The following SLC30A8 variants were observed in gnomAD, a reference collection of about 807,000 sequenced individuals.
The protein encoded by SLC30A8 is proton-coupled zinc antiporter SLC30A8.
In SLC30A8, 27 loss-of-function variants were observed where a neutral mutation model predicts 36.9. The ratio of observed to expected loss-of-function variants is 0.73; its 90% CI spans 0.54 to 1.01. The LOEUF is 1.01. Among genes scored for constraint, SLC30A8 ranks in the 50% least tolerant of loss-of-function variants. SLC30A8 has a pLI of 0.00. For synonymous variants in SLC30A8, 164 were observed against 172.4 expected (o/e 0.95, Z 0.38); for missense variants, 439 against 452.0 (o/e 0.97, Z 0.26).
chr8:117,016,371 G>A (rs1292046026), intron 1 of SLC30A8, among the ~76,000 whole-genome samples: 1 of 152,202 alleles, frequency 6.6e-6, no homozygotes, highest in African/African-American at 2.4e-5. Flanking sequence ...CAGATATAAT[G>A]TCAGACTATA....
chr8:117,144,833 A>G (rs1586582843), intron 1 of SLC30A8, among the ~76,000 whole-genome samples: 1 of 152,166 alleles, frequency 6.6e-6, no homozygotes, highest in East Asian at 1.9e-4. Flanking sequence ...TCTCAGCTCT[A>G]TGAGTCAGCA....
intron 4 of SLC30A8, among the ~76,000 whole-genome samples, chr8:117,160,502 C>T (rs1822736287): frequency 6.6e-6 from 1 of 151,672 alleles, no homozygotes; most frequent in African/African-American, 2.4e-5. Context: ...ACATTTAAAG[C>T]TACACTGGGG....
At chr8:116,982,734 C>T (rs927713004) in intron 1 of SLC30A8, among the ~76,000 whole-genome samples, 1 of 152,016 alleles carries the variant, frequency 6.6e-6, no homozygotes, top group Non-Finnish European at 1.5e-5. Context: ...ATCTCTCACA[C>T]GTGAAACATT....
intron 2 of SLC30A8, among the ~76,000 whole-genome samples, chr8:117,097,137 C>T (rs1025763631): frequency 2.0e-5 from 3 of 151,446 alleles, no homozygotes; most frequent in Non-Finnish European, 2.9e-5. Flanking sequence ...TAGTGGCTCA[C>T]GCCTGTAGAT....
At chr8:117,068,123 T>A (rs1226899211) in intron 2 of SLC30A8, among the ~76,000 whole-genome samples, 3 of 152,186 alleles carry the variant, frequency 2.0e-5, no homozygotes, top group African/African-American at 7.2e-5. Context: ...AGTTTCATGA[T>A]CATTAGAGTG....
intron 1 of SLC30A8, among the ~76,000 whole-genome samples, chr8:117,008,186 CTTAGTATAAA>C (rs1474413779): frequency 1.3e-5 from 2 of 152,122 alleles, no homozygotes; most frequent in African/African-American, 4.8e-5. Context: ...GAATAAATAA[CTTAGTATAAA>C]TTTTTTTGAG....
chr8:117,095,295 C>T (rs552476980), intron 2 of SLC30A8, among the ~76,000 whole-genome samples: 38 of 152,194 alleles, frequency 2.5e-4, no homozygotes, highest in African/African-American at 7.0e-4. Context: ...ATGGTTTGTT[C>T]TACTAGTTAG....
At chr8:117,139,701 G>A (rs1248196641) in intron 1 of SLC30A8, among the ~76,000 whole-genome samples, 3 of 152,046 alleles carry the variant, frequency 2.0e-5, no homozygotes, top group African/African-American at 7.2e-5. Context: ...ACTTAACAGT[G>A]AGATAGTGGA....
At chr8:116,960,034 T>A (rs1257634508) in intron 1 of SLC30A8, among the ~76,000 whole-genome samples, 2 of 152,362 alleles carry the variant, frequency 1.3e-5, no homozygotes, top group East Asian at 3.9e-4. Context: ...AGCCTCGAAC[T>A]TCTTAAGGCA....
chr8:116,972,384 A>G (rs117286850), intron 1 of SLC30A8, among the ~76,000 whole-genome samples: 4,382 of 152,346 alleles, frequency 0.029, 85 homozygotes, highest in Middle Eastern at 0.078. Flanking sequence ...ATCGATGCAG[A>G]GAAGTGAGTC....
intron 1 of SLC30A8, among the ~76,000 whole-genome samples, chr8:116,965,910 G>A (rs2130604662): frequency 6.9e-6 from 1 of 145,066 alleles, no homozygotes; most frequent in African/African-American, 2.6e-5. Flanking sequence ...TGGAGATGGA[G>A]TCTTGCTCTG....
intron 2 of SLC30A8, among the ~76,000 whole-genome samples, chr8:117,058,170 G>A (rs1185235905): frequency 6.6e-6 from 1 of 151,980 alleles, no homozygotes; most frequent in African/African-American, 2.4e-5. Flanking sequence ...ATGTCTGTTG[G>A]CCATTTGTAT....
chr8:117,028,088 C>T lies in SLC30A8; in HGVS notation c.-265-11131C>T, dbSNP rs146533373. ...GTTTTGAAGGCTGCCGTGCGTTGGT[C>T]GACTACCATTTGATTTGTTGATGCT... On this transcript the variant is annotated intron_variant, in intron 1 of 10. Coordinates refer to the SLC30A8 transcript ENST00000427715. Among the ~76,000 whole-genome samples, 324 of 152,194 alleles carry T rather than the reference C, an allele frequency of 2.1e-3. 3 individuals carry two copies. The highest frequency in any genetic ancestry group is 7.5e-3 in the African/African-American group (311 of 41,514).
chr8:117,076,662 CTCTT>C (rs1170894161), intron 2 of SLC30A8, among the ~76,000 whole-genome samples: 1 of 152,160 alleles, frequency 6.6e-6, no homozygotes, highest in East Asian at 1.9e-4. Context: ...GATTCAGTTA[CTCTT>C]TCTTCTTTCA....
At chr8:117,121,311 T>C (rs905672743) in intron 2 of SLC30A8, among the ~76,000 whole-genome samples, 2 of 151,876 alleles carry the variant, frequency 1.3e-5, no homozygotes, top group African/African-American at 2.4e-5. Context: ...TATTCAATCT[T>C]AAAAAGGAAG....
chr8:117,073,998 G>A (rs1296086813), intron 2 of SLC30A8, among the ~76,000 whole-genome samples: 1 of 131,148 alleles, frequency 7.6e-6, no homozygotes, highest in East Asian at 2.5e-4. Context: ...AGAGTAAGTA[G>A]AAGGCAGCAT....
intron 4 of SLC30A8, among the ~76,000 whole-genome samples, chr8:117,159,671 C>G (rs1289574920): frequency 6.6e-6 from 1 of 152,124 alleles, no homozygotes; most frequent in Non-Finnish European, 1.5e-5. Flanking sequence ...ACAAATATGC[C>G]AGAGCACACA....
chr8:116,974,652 A>G (rs1814916591), intron 1 of SLC30A8, among the ~76,000 whole-genome samples: 1 of 152,206 alleles, frequency 6.6e-6, no homozygotes, highest in South Asian at 2.1e-4. Context: ...ATCTAGAACT[A>G]GAAATACCAT....
At chr8:117,061,952 C>T (rs541080074) in intron 2 of SLC30A8, among the ~76,000 whole-genome samples, 12 of 152,312 alleles carry the variant, frequency 7.9e-5, no homozygotes, top group Admixed American at 7.8e-4. Context: ...GTTACTGTGG[C>T]AGGGTGTTAT....
Sources: gnomAD v4.1 joint callset for allele counts (sites outside exome capture counted in the v4.1 genomes callset) on GRCh38, gnomAD v4.1.1 for gene constraint, MANE v1.5 for transcripts, NCBI Gene and HGNC (gene_info 2026-07-23, HGNC 2026-07-21) for gene names.